Variants in GLIS1 observed in about 807,000 individuals in gnomAD.
GLIS1 encodes the protein GLIS family zinc finger 1.
Under a neutral mutation model 63.8 loss-of-function variants are expected in GLIS1, and 24 were observed. That is an observed-to-expected ratio of 0.38 (90% CI 0.27 to 0.53). The LOEUF (loss-of-function observed/expected upper bound fraction) is 0.53. GLIS1 is among the 20% of genes least tolerant of loss of function. The pLI is 0.85. For synonymous variants in GLIS1, 450 were observed against 482.5 expected (o/e 0.93, Z 0.88); for missense variants, 1,036 against 1,074.1 (o/e 0.96, Z 0.50).
chr1:53,702,912 G>A lies in GLIS1; in HGVS notation c.259+34894C>T, dbSNP rs145062039. Among the ~76,000 whole-genome samples, 4 of 152,344 alleles carry A rather than the reference G, an allele frequency of 2.6e-5. No homozygotes were observed. In the East Asian group the frequency reaches 7.7e-4, roughly 29 times the overall value. Reference sequence around the variant, plus strand: ...GAAGGCCACCGTGGCCTGTCCTCATGAGGGGGTTCTCCTGTCCCCCAAAAG... The same window carrying A: ...GAAGGCCACCGTGGCCTGTCCTCATAAGGGGGTTCTCCTGTCCCCCAAAAG... On this transcript the variant is annotated intron_variant, in intron 2 of 10. Coordinates refer to ENST00000628545, the MANE Select transcript of GLIS1 (RefSeq NM_001367484.1).
intron 4 of GLIS1, among the ~76,000 whole-genome samples, chr1:53,575,882 G>A (rs1013619150): frequency 6.6e-6 from 1 of 152,110 alleles, no homozygotes; most frequent in Non-Finnish European, 1.5e-5. Context: ...TGCACAGTCA[G>A]GAGGAGATCA....
intron 7 of GLIS1, among the ~76,000 whole-genome samples, chr1:53,516,183 T>C (rs879645784): frequency 4.6e-5 from 7 of 152,112 alleles, no homozygotes; most frequent in African/African-American, 9.7e-5. Context: ...ACATGCTGAA[T>C]AGCACTCTGG....
chr1:53,733,314 AAAAG>A (rs1207886776), intron 2 of GLIS1, among the ~76,000 whole-genome samples: 1 of 152,178 alleles, frequency 6.6e-6, no homozygotes, highest in Non-Finnish European at 1.5e-5. Flanking sequence ...GTTTTTCAGA[AAAAG>A]AAGGATGAAG....
At chr1:53,684,578 C>T (rs1646310478) in intron 2 of GLIS1, among the ~76,000 whole-genome samples, 1 of 152,144 alleles carries the variant, frequency 6.6e-6, no homozygotes, top group Non-Finnish European at 1.5e-5. Context: ...ATGGAGGGCC[C>T]TCCAGTACCT....
intron 4 of GLIS1, among the ~76,000 whole-genome samples, chr1:53,543,251 C>T (rs1396001320): frequency 1.3e-5 from 2 of 152,234 alleles, no homozygotes; most frequent in East Asian, 1.9e-4. Flanking sequence ...GGAAGTGGTC[C>T]TCCCTCATGG....
At chr1:53,724,844 T>C (rs1166290699) in intron 2 of GLIS1, among the ~76,000 whole-genome samples, 1 of 152,146 alleles carries the variant, frequency 6.6e-6, no homozygotes, top group Non-Finnish European at 1.5e-5. Flanking sequence ...TGATTCATTT[T>C]TAAAAAGATG....
At chr1:53,596,364 G>T (rs565589998) in intron 3 of GLIS1, among the ~76,000 whole-genome samples, 2 of 152,306 alleles carry the variant, frequency 1.3e-5, no homozygotes, top group East Asian at 3.9e-4. Context: ...AGTGAGGCAG[G>T]GCTGAGAGTT....
At chr1:53,607,917 T>C (rs1483333318) in intron 2 of GLIS1, among the ~76,000 whole-genome samples, 4 of 151,684 alleles carry the variant, frequency 2.6e-5, no homozygotes, top group Admixed American at 2.6e-4. Flanking sequence ...CTTTCCTCAG[T>C]GTGGGCACGG....
intron 2 of GLIS1, among the ~76,000 whole-genome samples, chr1:53,692,177 A>G (rs1646412558): frequency 6.6e-6 from 1 of 152,168 alleles, no homozygotes; most frequent in South Asian, 2.1e-4. Context: ...GGGTTTGAAA[A>G]GCTATTTCTA....
chr1:53,717,763 GTTT>G (rs1340487719), intron 2 of GLIS1, among the ~76,000 whole-genome samples: 1 of 152,034 alleles, frequency 6.6e-6, no homozygotes, highest in Non-Finnish European at 1.5e-5. Context: ...TGATTACTGT[GTTT>G]TCCCCCATCT....
intron 2 of GLIS1, among the ~76,000 whole-genome samples, chr1:53,702,549 C>T (rs1646534907): frequency 6.6e-6 from 1 of 152,162 alleles, no homozygotes; most frequent in Admixed American, 6.5e-5. Context: ...AGCCACCTGG[C>T]CACAGGCCAG....
At chr1:53,738,523 G>T (rs1570125110) in intron 1 of GLIS1, among the ~76,000 whole-genome samples, 2 of 152,124 alleles carry the variant, frequency 1.3e-5, no homozygotes, top group Non-Finnish European at 2.9e-5. Context: ...CCCCGGAGAC[G>T]GCTCCGGGTA....
intron 2 of GLIS1, among the ~76,000 whole-genome samples, chr1:53,651,972 A>C (rs1184527154): frequency 6.6e-6 from 1 of 152,152 alleles, no homozygotes; most frequent in East Asian, 1.9e-4. Context: ...TGAATGAGAC[A>C]AATGCACGTC....
chr1:53,599,430 G>A (rs1207461688), intron 3 of GLIS1, among the ~76,000 whole-genome samples: 2 of 152,234 alleles, frequency 1.3e-5, no homozygotes, highest in Non-Finnish European at 2.9e-5. Flanking sequence ...GGACTCTGCA[G>A]AGGTCCAGCC....
chr1:53,551,769 C>T (rs1248272576), intron 4 of GLIS1, among the ~76,000 whole-genome samples: 1 of 152,124 alleles, frequency 6.6e-6, no homozygotes, highest in African/African-American at 2.4e-5. Flanking sequence ...AGGGCTCAAA[C>T]CCTGCTCTCC....
intron 4 of GLIS1, among the ~76,000 whole-genome samples, chr1:53,572,766 T>A (rs1226106984): frequency 6.6e-6 from 1 of 152,190 alleles, no homozygotes; most frequent in African/African-American, 2.4e-5. Flanking sequence ...GACAGAAACA[T>A]GCCTCTTTCT....
intron 2 of GLIS1, among the ~76,000 whole-genome samples, chr1:53,733,244 A>G (rs1008848776): frequency 6.6e-6 from 1 of 152,264 alleles, no homozygotes; most frequent in African/African-American, 2.4e-5. Context: ...CTTCTCACGC[A>G]AATGAAACGC....
chr1:53,623,475 G>T (rs936029015), intron 2 of GLIS1, among the ~76,000 whole-genome samples: 1 of 152,008 alleles, frequency 6.6e-6, no homozygotes, highest in Non-Finnish European at 1.5e-5. Context: ...CCCAAGACTG[G>T]GAACAAAGCA....
chr1:53,680,555 A>C (rs987296880), intron 2 of GLIS1, among the ~76,000 whole-genome samples: 9 of 152,252 alleles, frequency 5.9e-5, no homozygotes, highest in Admixed American at 2.0e-4. Flanking sequence ...ATTAAATAAC[A>C]GAAGGGAAAG....
Sources: allele counts gnomAD v4.1 joint callset (sites outside exome capture counted in the v4.1 genomes callset), GRCh38; gene constraint gnomAD v4.1.1; transcripts MANE v1.5; gene names NCBI Gene and HGNC (gene_info 2026-07-23, HGNC 2026-07-21).